POC1B: variants seen among roughly 807,000 people sequenced by gnomAD.
POC1B encodes POC1 centriolar protein homolog B.
POC1B carries 44 observed loss-of-function variants against 60.6 expected under a neutral mutation model. That is an observed-to-expected ratio of 0.73 (90% CI 0.57 to 0.93). The LOEUF (loss-of-function observed/expected upper bound fraction) is 0.93. POC1B is among the 40% of genes least tolerant of loss of function. The pLI is 0.00. For missense variants in POC1B, 555 were observed against 572.3 expected (o/e 0.97, Z 0.31); for synonymous variants, 180 against 198.9 (o/e 0.90, Z 0.80).
intron 4 of POC1B, among the ~76,000 whole-genome samples, chr12:89,477,387 C>T (rs1233674853): frequency 6.6e-6 from 1 of 151,986 alleles, no homozygotes; most frequent in African/African-American, 2.4e-5. Flanking sequence ...GGGAATTTAC[C>T]ATCTATGTGC....
the POC1B span, among the ~76,000 whole-genome samples, chr12:89,413,558 T>C: frequency 6.6e-6 from 1 of 152,200 alleles, no homozygotes; most frequent in Admixed American, 6.5e-5. Context: ...ACAGACGTTG[T>C]TCAGTGAAGT....
intron 4 of POC1B, among the ~76,000 whole-genome samples, chr12:89,486,680 A>G (rs1363553413): frequency 6.6e-6 from 1 of 152,136 alleles, no homozygotes; most frequent in Non-Finnish European, 1.5e-5. Context: ...CTGAGAGACC[A>G]TTTAGGAGAT....
intron 2 of POC1B, chr12:89,501,056 T>A: frequency 9.2e-7 from 1 of 1,085,976 alleles, no homozygotes; most frequent in Non-Finnish European, 1.4e-6. Flanking sequence ...GATCTTGGGA[T>A]TACTATACCA....
intron 2 of POC1B, among the ~76,000 whole-genome samples, chr12:89,517,980 CA>C (rs1429165533): frequency 1.3e-5 from 2 of 152,090 alleles, no homozygotes; most frequent in Admixed American, 1.3e-4. Context: ...TGCTGGCCTG[CA>C]GTAGATATCA....
Position 89,526,025 on chromosome 12 carries a change from A to G in POC1B, c.-130T>C, listed in dbSNP as rs567041368. On this transcript the variant is annotated 5_prime_UTR_variant, in exon 1 of 12. Coordinates refer to ENST00000313546, the MANE Select transcript of POC1B (RefSeq NM_172240.3). The stretch of plus-strand genomic sequence containing the variant: ...CCCAGAGCGGCAGCGCCTCCCGGTC[A>G]CTACAACAACGGCGGCCCAGTCAAA... The G allele has an allele frequency of 4.5e-5, 69 of 1,536,558 alleles. No homozygotes were observed. The African/African-American group carries it at 7.8e-4, about 17-fold the overall frequency.
At chr12:89,444,473 T>C (rs1369907204) in intron 10 of POC1B, among the ~76,000 whole-genome samples, 1 of 152,070 alleles carries the variant, frequency 6.6e-6, no homozygotes, top group Non-Finnish European at 1.5e-5. Flanking sequence ...ATAAACGTAA[T>C]CCAGCATATA....
chr12:89,422,065 T>C (rs1394064976), intron 11 of POC1B, among the ~76,000 whole-genome samples: 3 of 151,990 alleles, frequency 2.0e-5, no homozygotes, highest in Non-Finnish European at 2.9e-5. Flanking sequence ...AAACTTATTA[T>C]AAAATGAAAC....
At chr12:89,428,568 T>G (rs1232364312) in intron 10 of POC1B, 1 of 152,276 alleles carries the variant, frequency 6.6e-6, no homozygotes, top group South Asian at 2.1e-4. Context: ...TACAGATTTT[T>G]TTTTTTGAGA....
chr12:89,411,516 G>C, the POC1B span, among the ~76,000 whole-genome samples: 3 of 152,288 alleles, frequency 2.0e-5, no homozygotes, highest in South Asian at 6.2e-4. Flanking sequence ...ACCCTCCTAG[G>C]CCTCAAGTCC....
chr12:89,500,675 T>C (rs1423411119), intron 2 of POC1B: 1 of 1,540,706 alleles, frequency 6.5e-7, no homozygotes, highest in Non-Finnish European at 8.9e-7. Context: ...TATGCTGCCT[T>C]CAAGTACAGA....
rs535401048 is a variant in POC1B at position 89,478,237 on chromosome 12, C to T, written c.453-5962G>A. On this transcript the variant is annotated intron_variant, in intron 4 of 11. Coordinates refer to ENST00000313546, the MANE Select transcript of POC1B (RefSeq NM_172240.3). ...CGATTCTCATGCCTCAGCTACCCTG[C>T]TTCCCCAGGTAGCTGGGATTACAGG... is the stretch of plus-strand genomic sequence containing the variant. 3.3e-4 allele frequency among the ~76,000 whole-genome samples: 51 copies of T among 152,282 alleles called. No homozygotes were observed. The South Asian group carries it at 7.0e-3, about 21-fold the overall frequency.
intron 10 of POC1B, among the ~76,000 whole-genome samples, chr12:89,437,744 A>G (rs1881330546): frequency 6.6e-6 from 1 of 152,148 alleles, no homozygotes. Context: ...CAATAAATTT[A>G]CTAAATAAGA....
downstream of POC1B, among the ~76,000 whole-genome samples, chr12:89,416,277 G>A (rs1008755258): frequency 2.6e-5 from 4 of 152,116 alleles, no homozygotes; most frequent in African/African-American, 4.8e-5. Context: ...GAAGGGATAC[G>A]CAAGCTGCCT....
At chr12:89,514,427 T>TTTTTTTTTG (rs1870348442) in intron 2 of POC1B, among the ~76,000 whole-genome samples, 4 of 144,910 alleles carry the variant, frequency 2.8e-5, no homozygotes, top group Non-Finnish European at 4.5e-5. Flanking sequence ...TTTTTTTTTT[T>TTTTTTTTTG]AGACGAAGTC....
At chr12:89,412,924 A>C in the POC1B span, among the ~76,000 whole-genome samples, 2 of 132,122 alleles carry the variant, frequency 1.5e-5, no homozygotes, top group African/African-American at 5.8e-5. Flanking sequence ...TCTTTGTCTC[A>C]CTCACTCTCG....
intron 2 of POC1B, chr12:89,502,717 T>C (rs1592632724): frequency 2.2e-6 from 3 of 1,353,556 alleles, no homozygotes; most frequent in East Asian, 4.6e-5. Context: ...TTTTTTCTAC[T>C]GGGAAATTGA....
intron 4 of POC1B, among the ~76,000 whole-genome samples, chr12:89,488,997 C>T (rs1868796700): frequency 6.6e-6 from 1 of 152,132 alleles, no homozygotes; most frequent in Non-Finnish European, 1.5e-5. Context: ...CTGCTCTCTG[C>T]CTCCTCTTCT....
the POC1B span, among the ~76,000 whole-genome samples, chr12:89,409,896 C>T: frequency 6.6e-6 from 1 of 152,180 alleles, no homozygotes; most frequent in South Asian, 2.1e-4. Context: ...TCTGGTACCA[C>T]TCCTTCTGAA....
chr12:89,483,151 C>T (rs1868443246), intron 4 of POC1B, among the ~76,000 whole-genome samples: 1 of 152,140 alleles, frequency 6.6e-6, no homozygotes, highest in Non-Finnish European at 1.5e-5. Flanking sequence ...ATCCACCCAC[C>T]TTGGCCTCCC....
Sources: allele counts gnomAD v4.1 joint callset (sites outside exome capture counted in the v4.1 genomes callset), GRCh38; gene constraint gnomAD v4.1.1; transcripts MANE v1.5; gene names NCBI Gene and HGNC (gene_info 2026-07-23, HGNC 2026-07-21).